CADPS: variants seen among roughly 807,000 people sequenced by gnomAD.
CADPS encodes the protein calcium-dependent secretion activator 1.
Under a neutral mutation model 167.3 loss-of-function variants are expected in CADPS, and 57 were observed. The ratio of observed to expected loss-of-function variants is 0.34; its 90% CI spans 0.28 to 0.42. CADPS has a LOEUF of 0.42. Among genes scored for constraint, CADPS ranks in the 20% least tolerant of loss-of-function variants. The pLI is 1.00. For synonymous variants in CADPS, 676 were observed against 635.3 expected (o/e 1.06, Z -0.96); for missense variants, 1,414 against 1,738.1 (o/e 0.81, Z 3.32).
intron 3 of CADPS, among the ~76,000 whole-genome samples, chr3:62,749,253 A>G (rs2082181855): frequency 6.6e-6 from 1 of 152,242 alleles, no homozygotes; most frequent in South Asian, 2.1e-4. Flanking sequence ...CTTTTGATAG[A>G]CATGGTTCAT....
At chr3:62,459,028 T>C (rs984790718) in intron 26 of CADPS, among the ~76,000 whole-genome samples, 8 of 152,208 alleles carry the variant, frequency 5.3e-5, no homozygotes, top group African/African-American at 1.9e-4. Flanking sequence ...AAGGATGTCC[T>C]AGTAGGCAAT....
chr3:62,648,296 C>T (rs1203208873), intron 5 of CADPS, among the ~76,000 whole-genome samples: 1 of 152,180 alleles, frequency 6.6e-6, no homozygotes. Context: ...GTCAAACCAT[C>T]TGAATCAGGT....
chr3:62,549,865 C>T (rs576397086), intron 11 of CADPS, 38 bp downstream of exon 11: 13 of 1,521,036 alleles, frequency 8.5e-6, no homozygotes, highest in Non-Finnish European at 1.1e-5. Context: ...TTACTTTACT[C>T]TACAGAGCTA....
In CADPS at chr3:62,626,481, C is replaced by A. The variant is rs561602524; in HGVS notation, c.1325+19241G>T. ...GTACTGTGACTCTTCAAGCACAAAT[C>A]TTGTACCCCTGGAGATGATTTGACA... On this transcript the variant is annotated intron_variant, in intron 6 of 29. Transcript: ENST00000383710. 16 of 702,068 alleles carry A rather than the reference C, an allele frequency of 2.3e-5. No individual in the cohort carries two copies. The African/African-American group carries it at 2.8e-4, about 12-fold the overall frequency. The allele number at this position is 702,068 out of a possible 1,614,324, so 43.5% of individuals were successfully genotyped here. A position where few individuals can be genotyped will look rare whatever the true frequency, so the allele number is the denominator to read the frequency against.
chr3:62,620,148 G>A (rs2062946968), intron 6 of CADPS, among the ~76,000 whole-genome samples: 3 of 152,082 alleles, frequency 2.0e-5, no homozygotes, highest in Admixed American at 6.6e-5. Context: ...ATTGGAAAGA[G>A]AATCACTTAA....
intron 8 of CADPS, among the ~76,000 whole-genome samples, chr3:62,578,135 C>G (rs373284893): frequency 6.9e-6 from 1 of 144,504 alleles, no homozygotes; most frequent in African/African-American, 2.5e-5. Context: ...TTTAAAGACA[C>G]GAATAGGTTA....
intron 1 of CADPS, among the ~76,000 whole-genome samples, chr3:62,866,893 G>C (rs1040314633): frequency 1.3e-5 from 2 of 151,886 alleles, no homozygotes; most frequent in Non-Finnish European, 2.9e-5. Context: ...ATGTCCCCAG[G>C]GTCACAAAGT....
intron 13 of CADPS, among the ~76,000 whole-genome samples, chr3:62,523,098 T>C (rs2071130139): frequency 6.6e-6 from 1 of 152,198 alleles, no homozygotes; most frequent in Admixed American, 6.5e-5. Context: ...CTTGTCACAG[T>C]GGTTAGCACC....
intron 18 of CADPS, among the ~76,000 whole-genome samples, chr3:62,496,058 T>TTTTTC (rs1175682255): frequency 2.7e-5 from 4 of 150,832 alleles, no homozygotes; most frequent in African/African-American, 9.8e-5. Flanking sequence ...TAGTCTTTTG[T>TTTTTC]TTTTCTTTTC....
chr3:62,836,320 T>C (rs1417385777), intron 1 of CADPS, among the ~76,000 whole-genome samples: 1 of 152,130 alleles, frequency 6.6e-6, no homozygotes, highest in African/African-American at 2.4e-5. Context: ...ATTTCTGCCT[T>C]CCTTCTATTC....
At chr3:62,860,094 C>T (rs1415756175) in intron 1 of CADPS, among the ~76,000 whole-genome samples, 2 of 152,134 alleles carry the variant, frequency 1.3e-5, no homozygotes, top group African/African-American at 4.8e-5. Context: ...GATCATGTGG[C>T]TTTTATATGC....
chr3:62,500,462 T>C (rs1458852580), intron 17 of CADPS: 1 of 152,160 alleles, frequency 6.6e-6, no homozygotes, highest in African/African-American at 2.4e-5. Flanking sequence ...GGCCAAAACA[T>C]AAAGGTTTTC....
chr3:62,481,283 C>T (rs929952369), intron 22 of CADPS, among the ~76,000 whole-genome samples: 1 of 152,140 alleles, frequency 6.6e-6, no homozygotes, highest in Non-Finnish European at 1.5e-5. Flanking sequence ...TAAACATTCT[C>T]TAGGAATTTT....
At chr3:62,670,380 A>G (rs2075295515) in intron 3 of CADPS, among the ~76,000 whole-genome samples, 2 of 152,198 alleles carry the variant, frequency 1.3e-5, no homozygotes, top group South Asian at 4.1e-4. Flanking sequence ...ACAAAAAATC[A>G]TCCAAGGAGA....
chr3:62,425,084 A>G (rs993534977), intron 28 of CADPS, among the ~76,000 whole-genome samples: 1 of 152,184 alleles, frequency 6.6e-6, no homozygotes, highest in South Asian at 2.1e-4. Context: ...TGAAAATAAT[A>G]CTATCTCTTC....
intron 1 of CADPS, among the ~76,000 whole-genome samples, chr3:62,797,952 G>C (rs1334052315): frequency 6.6e-6 from 1 of 152,124 alleles, no homozygotes; most frequent in Admixed American, 6.6e-5. Flanking sequence ...AAAACTTAAT[G>C]TTTGACATTC....
chr3:62,721,361 G>C (rs909381010), intron 3 of CADPS, among the ~76,000 whole-genome samples: 3 of 151,978 alleles, frequency 2.0e-5, no homozygotes, highest in African/African-American at 7.3e-5. Context: ...GTTTACTCAG[G>C]AGCAGATTTT....
intron 1 of CADPS, among the ~76,000 whole-genome samples, chr3:62,784,456 C>G (rs1476132288): frequency 6.6e-6 from 1 of 152,050 alleles, no homozygotes; most frequent in Admixed American, 6.6e-5. Context: ...TACTCTTCAC[C>G]CTGTTGCAAC....
At chr3:62,417,137 G>C (rs1358995974) in intron 28 of CADPS, among the ~76,000 whole-genome samples, 1 of 152,154 alleles carries the variant, frequency 6.6e-6, no homozygotes, top group Non-Finnish European at 1.5e-5. Flanking sequence ...GCTGTACTCT[G>C]TCTGAACACT....
Sources: allele counts gnomAD v4.1 joint callset (sites outside exome capture counted in the v4.1 genomes callset), GRCh38; gene constraint gnomAD v4.1.1; transcripts MANE v1.5; gene names NCBI Gene and HGNC (gene_info 2026-07-23, HGNC 2026-07-21).